Variants in MYH7B observed in about 807,000 individuals in gnomAD.
MYH7B encodes the protein myosin heavy chain 7B.
MYH7B carries 205 observed loss-of-function variants against 234.5 expected under a neutral mutation model. That is an observed-to-expected ratio of 0.87 (90% CI 0.78 to 0.98). MYH7B has a LOEUF of 0.98. Ranked by LOEUF, MYH7B falls within the 50% of genes least tolerant of loss-of-function variation. MYH7B has a pLI of 0.00. For synonymous variants in MYH7B, 1,193 were observed against 1,105.0 expected (o/e 1.08, Z -1.58); for missense variants, 2,652 against 2,633.4 (o/e 1.01, Z -0.15).
At chr20:34,978,235 C>T in intron 5 of MYH7B, 139 bp downstream of exon 5, 1 of 971,304 alleles carries the variant, frequency 1.0e-6, no homozygotes, top group Non-Finnish European at 1.5e-6. Context: ...ACCTTTCCTG[C>T]AGAGTCTGGG....
In MYH7B at chr20:34,997,259, G is replaced by GGAGGAGCTGGAA. The variant is rs750497146; in HGVS notation, c.3378_3389dup (p.Glu1127_Glu1130dup). 8.3e-6 allele frequency: 13 copies of GGAGGAGCTGGAA among 1,558,388 alleles called. No individual in the cohort carries two copies. In the South Asian group the frequency reaches 1.4e-4, roughly 17 times the overall value. On this transcript the variant is annotated inframe_insertion, in exon 32 of 45. Coordinates refer to ENST00000262873, the Ensembl canonical transcript of MYH7B. The stretch of plus-strand genomic sequence containing the variant: ...CCACGTGCCCACCCCAGGCTCGGGC[G>GGAGGAGCTGGAA]GAGGAGCTGGAAGAGGAGCTGGAGG...
intron 2 of MYH7B, among the ~76,000 whole-genome samples, chr20:34,966,104 C>T (rs1336674295): frequency 6.6e-6 from 1 of 152,178 alleles, no homozygotes; most frequent in Non-Finnish European, 1.5e-5. Context: ...TTCTTGGCTT[C>T]TGGCCCTAGA....
Position 34,996,554 on chromosome 20 carries a change from G to A in MYH7B, c.3120+32G>A, listed in dbSNP as rs775347744. The A allele has an allele frequency of 6.2e-6, 10 of 1,601,850 alleles. 1 individual carries two copies. Among genetic ancestry groups the A allele is most frequent in the South Asian group, 2.2e-5 (2 of 90,368 alleles). On this transcript the variant is annotated intron_variant, in intron 29 of 44. Coordinates refer to ENST00000262873, the Ensembl canonical transcript of MYH7B. ...CAGGGCCACCCCGAGACTGGGTGGC[G>A]GGGCCGGGGTGCCGGCTGGCTTGGG...
chr20:34,991,092 C>T (rs775489881), exon 24 of MYH7B: 5 of 1,613,254 alleles, frequency 3.1e-6, no homozygotes, highest in Non-Finnish European at 4.2e-6. Flanking sequence ...GGTTCCCCAA[C>T]AGGTTGCTCT....
intron 19 of MYH7B, among the ~76,000 whole-genome samples, chr20:34,989,174 T>C (rs2082092371): frequency 6.6e-6 from 1 of 152,234 alleles, no homozygotes; most frequent in South Asian, 2.1e-4. Context: ...AAAATGTATT[T>C]TGAATGCTGC....
At chr20:34,964,502 C>T (rs76110461) in intron 2 of MYH7B, among the ~76,000 whole-genome samples, 12,285 of 152,218 alleles carry the variant, frequency 0.081, 580 homozygotes, top group South Asian at 0.13. Context: ...TGGGAGAGGA[C>T]GGTTGTCACC....
In MYH7B at chr20:34,997,032, G is replaced by A. The variant is rs370907561; in HGVS notation, c.3267-51G>A. ...TGGGGGGCGTTATGGGGTCCCAGGC[G>A]GGTGGGTGGGAGTTAAGGCCTGTGC... On this transcript the variant is annotated intron_variant, in intron 30 of 44. Transcript: ENST00000262873. 13 of 1,507,080 alleles carry A rather than the reference G, an allele frequency of 8.6e-6. No homozygotes were observed. In the African/African-American group the frequency reaches 1.3e-4, roughly 15 times the overall value. 93.4% of individuals were successfully genotyped at this position (1,507,080 alleles called of 1,614,324 possible). A position where few individuals can be genotyped will look rare whatever the true frequency, so the allele number is the denominator to read the frequency against.
chr20:34,983,280 TTTC>T (rs1306503173), intron 10 of MYH7B, among the ~76,000 whole-genome samples: 2 of 120,556 alleles, frequency 1.7e-5, no homozygotes, highest in African/African-American at 7.3e-5. Context: ...TTCTTTTTTC[TTTC>T]TTTTCTTTTC....
chr20:34,990,789 G>C, exon 23 of MYH7B: 2 of 1,614,100 alleles, frequency 1.2e-6, no homozygotes, highest in Non-Finnish European at 1.7e-6. Flanking sequence ...GCCCCACTTC[G>C]TCCGCTGCAT....
chr20:34,974,952 G>T (rs1340185787), intron 2 of MYH7B, among the ~76,000 whole-genome samples: 1 of 152,156 alleles, frequency 6.6e-6, no homozygotes, highest in African/African-American at 2.4e-5. Flanking sequence ...AAAGAGAATT[G>T]AAACAGTGAG....
intron 9 of MYH7B, 65 bp downstream of exon 9, chr20:34,981,125 C>T: frequency 6.3e-7 from 1 of 1,590,160 alleles, no homozygotes; most frequent in Non-Finnish European, 8.6e-7. Context: ...AGGGCGGTAC[C>T]ACAGTCATTT....
chr20:34,980,036 T>G, intron 7 of MYH7B: 2 of 564,862 alleles, frequency 3.5e-6, no homozygotes, highest in African/African-American at 1.9e-5. Flanking sequence ...GGGGAGCAGC[T>G]GTAGCAGTGC....
At chr20:34,986,838 A>G in intron 14 of MYH7B, 48 bp from the exon 15 acceptor site, 2 of 1,482,786 alleles carry the variant, frequency 1.3e-6, no homozygotes, top group Non-Finnish European at 1.9e-6. Context: ...TGGGGAGAAT[A>G]GCCGGTAAGC....
chr20:34,983,298 CTTTT>C (rs57589264), intron 10 of MYH7B, among the ~76,000 whole-genome samples: 4,600 of 71,466 alleles, frequency 0.064, 206 homozygotes, highest in African/African-American at 0.16. Flanking sequence ...CTTTTCTTTT[CTTTT>C]TTTTTTTTTT....
At chr20:34,987,797 C>T in exon 18 of MYH7B, 2 of 1,614,186 alleles carry the variant, frequency 1.2e-6, no homozygotes, top group South Asian at 2.2e-5. Flanking sequence ...TGGCCAAGGC[C>T]ACCTATGACC....
At chr20:34,969,918 T>C (rs2147156609) in intron 2 of MYH7B, among the ~76,000 whole-genome samples, 1 of 152,162 alleles carries the variant, frequency 6.6e-6, no homozygotes, top group East Asian at 1.9e-4. Context: ...TCTCCACTAG[T>C]GTCAGGTACT....
At chr20:34,970,688 C>T (rs755620028) in intron 2 of MYH7B, among the ~76,000 whole-genome samples, 2 of 152,188 alleles carry the variant, frequency 1.3e-5, no homozygotes, top group Non-Finnish European at 2.9e-5. Context: ...GCATTGTCTA[C>T]AGAGGGGCAC....
Position 34,988,181 on chromosome 20 carries a change from G to A in MYH7B, c.1506G>A (p.Glu502=), listed in dbSNP as rs2082067614. Reference sequence around the variant, plus strand: ...AGCACATGTTTGTGCTGGAGCAGGAGGAGTACAAGCGGGAGGGCATCGACT... The same window carrying A: ...AGCACATGTTTGTGCTGGAGCAGGAAGAGTACAAGCGGGAGGGCATCGACT... The change falls in exon 19 of 45, where the codon GAG becomes GAA. Residue 502 remains glutamate (E), a synonymous_variant. Coordinates refer to ENST00000262873, the Ensembl canonical transcript of MYH7B. The A allele has an allele frequency of 6.2e-7, 1 of 1,614,182 alleles. No individual in the cohort carries two copies.
intron 14 of MYH7B, among the ~76,000 whole-genome samples, chr20:34,986,625 G>A (rs1422564133): frequency 6.6e-6 from 1 of 152,230 alleles, no homozygotes; most frequent in African/African-American, 2.4e-5. Flanking sequence ...CGTGAGGACT[G>A]TGGCTCATTC....
Sources: allele counts gnomAD v4.1 joint callset (sites outside exome capture counted in the v4.1 genomes callset), GRCh38; gene constraint gnomAD v4.1.1; transcripts MANE v1.5; gene names NCBI Gene and HGNC (gene_info 2026-07-23, HGNC 2026-07-21).